Variants in SLC10A7 observed in about 807,000 individuals in gnomAD.
SLC10A7 encodes sodium/bile acid cotransporter 7.
Under a neutral mutation model 43.2 loss-of-function variants are expected in SLC10A7, and 29 were observed. The ratio of observed to expected loss-of-function variants is 0.67; its 90% confidence interval spans 0.50 to 0.92. The LOEUF is 0.92. SLC10A7 is among the 40% of genes least tolerant of loss of function. The probability of loss-of-function intolerance (pLI) is 0.00; values close to 1 mark genes in which losing one functional copy is unlikely to be tolerated. For missense variants in SLC10A7, 295 were observed against 403.2 expected (o/e 0.73, Z 2.30); for synonymous variants, 152 against 144.8 (o/e 1.05, Z -0.35).
intron 5 of SLC10A7, among the ~76,000 whole-genome samples, chr4:146,430,226 G>T (rs918527411): frequency 3.3e-5 from 5 of 151,972 alleles, no homozygotes; most frequent in South Asian, 2.1e-4. Flanking sequence ...GAGAGAGAGA[G>T]ACAATAGGGC....
intron 4 of SLC10A7, among the ~76,000 whole-genome samples, chr4:146,493,732 GT>G (rs1382889730): frequency 6.6e-6 from 1 of 152,126 alleles, no homozygotes; most frequent in Non-Finnish European, 1.5e-5. Context: ...GCTATCTTGG[GT>G]ATCTGACATG....
chr4:146,423,463 C>T (rs1323498908), intron 5 of SLC10A7, among the ~76,000 whole-genome samples: 2 of 152,138 alleles, frequency 1.3e-5, no homozygotes, highest in Non-Finnish European at 2.9e-5. Context: ...ATCACCATCA[C>T]CTGTCAAACT....
chr4:146,283,023 A>G (rs1338014055), intron 10 of SLC10A7, among the ~76,000 whole-genome samples, 169 bp downstream of exon 10: 1 of 152,198 alleles, frequency 6.6e-6, no homozygotes, highest in Non-Finnish European at 1.5e-5. Flanking sequence ...GTTCAATCAA[A>G]TAACAGAATT....
chr4:146,332,674 T>A (rs1315786658), intron 5 of SLC10A7, among the ~76,000 whole-genome samples: 1 of 152,136 alleles, frequency 6.6e-6, no homozygotes, highest in Admixed American at 6.6e-5. Flanking sequence ...CATAAGCCAA[T>A]TAAGCCTCTT....
intron 9 of SLC10A7, among the ~76,000 whole-genome samples, chr4:146,285,270 C>G (rs986225932): frequency 2.6e-5 from 4 of 152,066 alleles, no homozygotes; most frequent in African/African-American, 9.7e-5. Flanking sequence ...TGGTGTAAGA[C>G]TAAAGATGGT....
At chr4:146,437,778 G>A (rs927701608) in intron 5 of SLC10A7, among the ~76,000 whole-genome samples, 6 of 151,992 alleles carry the variant, frequency 3.9e-5, no homozygotes, top group Non-Finnish European at 8.8e-5. Context: ...TCTTGATCTA[G>A]TTTTTAAAAA....
intron 4 of SLC10A7, among the ~76,000 whole-genome samples, chr4:146,463,607 G>A (rs570152146): frequency 6.6e-6 from 1 of 152,004 alleles, no homozygotes; most frequent in Non-Finnish European, 1.5e-5. Context: ...CAGGTGCTGT[G>A]GCACATGCCT....
At chr4:146,305,895 A>G (rs1176233356) in intron 7 of SLC10A7, 31 bp downstream of exon 7, 2 of 1,535,828 alleles carry the variant, frequency 1.3e-6, no homozygotes, top group African/African-American at 2.8e-5. Flanking sequence ...TGATCCATAA[A>G]GAAAAGATCA....
chr4:146,461,610 T>C (rs1057471942), intron 4 of SLC10A7, among the ~76,000 whole-genome samples: 7 of 151,994 alleles, frequency 4.6e-5, no homozygotes, highest in Non-Finnish European at 1.0e-4. Flanking sequence ...CCAATGTCTA[T>C]CTCTGCACTC....
intron 4 of SLC10A7, among the ~76,000 whole-genome samples, chr4:146,473,951 T>A (rs1482291206): frequency 6.6e-6 from 1 of 152,168 alleles, no homozygotes; most frequent in Non-Finnish European, 1.5e-5. Context: ...CACAGTTATC[T>A]CTGTTACCTT....
intron 4 of SLC10A7, among the ~76,000 whole-genome samples, chr4:146,487,389 C>T (rs989413132): frequency 6.6e-6 from 1 of 152,168 alleles, no homozygotes; most frequent in African/African-American, 2.4e-5. Context: ...TCCTTGCACC[C>T]TAGAGCTCCC....
At chr4:146,406,371 C>T (rs960451523) in intron 5 of SLC10A7, among the ~76,000 whole-genome samples, 1 of 152,122 alleles carries the variant, frequency 6.6e-6, no homozygotes, top group African/African-American at 2.4e-5. Context: ...TGCTTTTAAG[C>T]CTATCGCTGA....
At chr4:146,275,519 T>C (rs528612710) in intron 10 of SLC10A7, among the ~76,000 whole-genome samples, 1 of 152,136 alleles carries the variant, frequency 6.6e-6, no homozygotes, top group African/African-American at 2.4e-5. Flanking sequence ...GGGCAAGTCA[T>C]GGATCACTTG....
chr4:146,470,029 G>T (rs532567100), intron 4 of SLC10A7, among the ~76,000 whole-genome samples: 1 of 152,210 alleles, frequency 6.6e-6, no homozygotes, highest in East Asian at 1.9e-4. Flanking sequence ...CTACGTTTGG[G>T]GCAGATATAT....
chr4:146,451,807 A>AT (rs1049063570), intron 4 of SLC10A7, among the ~76,000 whole-genome samples: 1 of 152,096 alleles, frequency 6.6e-6, no homozygotes, highest in African/African-American at 2.4e-5. Flanking sequence ...GGCCAATGAG[A>AT]TAAAAAGTGA....
chr4:146,348,719 T>C (rs748991611), intron 5 of SLC10A7, among the ~76,000 whole-genome samples: 14 of 152,236 alleles, frequency 9.2e-5, no homozygotes, highest in Non-Finnish European at 1.6e-4. Flanking sequence ...TATATCTTCA[T>C]TGTTCAACAC....
At chr4:146,488,024 G>A (rs904682305) in intron 4 of SLC10A7, among the ~76,000 whole-genome samples, 9 of 151,690 alleles carry the variant, frequency 5.9e-5, no homozygotes, top group African/African-American at 1.5e-4. Flanking sequence ...CTGTCTCTAC[G>A]AAAAAAAATT....
At chr4:146,272,760 G>A (rs555698404) in intron 10 of SLC10A7, among the ~76,000 whole-genome samples, 5 of 152,268 alleles carry the variant, frequency 3.3e-5, no homozygotes, top group African/African-American at 1.2e-4. Flanking sequence ...CGCAGTAAAT[G>A]AGTGTTGTTT....
chr4:146,450,850 T>TG (rs1192396141), intron 4 of SLC10A7, among the ~76,000 whole-genome samples: 1 of 152,128 alleles, frequency 6.6e-6, no homozygotes, highest in Non-Finnish European at 1.5e-5. Context: ...AACTTCTCTT[T>TG]GGGGTCACTT....
Sources: allele counts gnomAD v4.1 joint callset (sites outside exome capture counted in the v4.1 genomes callset), GRCh38; gene constraint gnomAD v4.1.1; transcripts MANE v1.5; gene names NCBI Gene and HGNC (gene_info 2026-07-23, HGNC 2026-07-21).